Variants in CTNNA3 observed in about 807,000 individuals in gnomAD.
CTNNA3 encodes catenin alpha-3.
In CTNNA3, 76 loss-of-function variants were observed where a neutral mutation model predicts 95.7. The ratio of observed to expected loss-of-function variants is 0.79; its 90% CI spans 0.66 to 0.96. The LOEUF is 0.96. Among genes scored for constraint, CTNNA3 ranks in the 40% least tolerant of loss-of-function variants. The pLI is 0.00. For missense variants in CTNNA3, 1,191 were observed against 1,089.8 expected, an observed-to-expected ratio of 1.09 and a Z score of -1.31; for synonymous variants, 431 against 374.4, an observed-to-expected ratio of 1.15 and a Z score of -1.74.
At chr10:66,589,666 A>G (rs1024041941) in intron 10 of CTNNA3, among the ~76,000 whole-genome samples, 17 of 152,170 alleles carry the variant, frequency 1.1e-4, no homozygotes, top group African/African-American at 4.1e-4. Context: ...AAGAAATGGC[A>G]TACAAGTTGA....
intron 7 of CTNNA3, among the ~76,000 whole-genome samples, chr10:66,849,004 T>C (rs568923216): frequency 6.6e-6 from 1 of 152,304 alleles, no homozygotes; most frequent in East Asian, 1.9e-4. Context: ...TAGAAGGAAA[T>C]AATGAAGCCA....
chr10:66,917,520 A>T (rs976930324), intron 7 of CTNNA3, among the ~76,000 whole-genome samples: 12 of 152,330 alleles, frequency 7.9e-5, no homozygotes, highest in African/African-American at 2.6e-4. Context: ...CAGAAGTTTA[A>T]TATCTTTCAG....
intron 7 of CTNNA3, among the ~76,000 whole-genome samples, chr10:67,054,317 T>C (rs768456266): frequency 1.3e-5 from 2 of 152,068 alleles, no homozygotes; most frequent in South Asian, 2.1e-4. Flanking sequence ...AGTACTGAAA[T>C]GTAACAAAAG....
At position 65,979,805 on chromosome 10, in the gene CTNNA3, T is replaced by G. The variant is rs1315988707; in HGVS notation, c.2265+8887A>C. Among the ~76,000 whole-genome samples, 6 of 152,058 alleles carry G rather than the reference T, an allele frequency of 3.9e-5. No homozygotes were observed. In the East Asian group the frequency reaches 7.7e-4, roughly 20 times the overall value. ...TCTCTTAGAACAGGAGATTCACTATTACTTGAAAGACGCAAATAGATCAAA... is the reference window on the plus strand; with the variant it reads ...TCTCTTAGAACAGGAGATTCACTATGACTTGAAAGACGCAAATAGATCAAA... On this transcript the variant is annotated intron_variant, in intron 16 of 17. Transcript: ENST00000433211.
chr10:67,661,749 G>A (rs1435629056), intron 1 of CTNNA3, among the ~76,000 whole-genome samples: 2 of 151,966 alleles, frequency 1.3e-5, no homozygotes, highest in Non-Finnish European at 2.9e-5. Flanking sequence ...TCTTACCAAA[G>A]AAAATATATA....
chr10:67,143,731 CA>C (rs1190054948), intron 7 of CTNNA3, among the ~76,000 whole-genome samples: 1 of 152,122 alleles, frequency 6.6e-6, no homozygotes, highest in Non-Finnish European at 1.5e-5. Context: ...ATTTCTAACT[CA>C]GTTATCTTGC....
At chr10:67,133,328 T>TATATATATAC (rs145659453) in intron 7 of CTNNA3, among the ~76,000 whole-genome samples, 2 of 105,322 alleles carry the variant, frequency 1.9e-5, no homozygotes, top group African/African-American at 7.1e-5. Context: ...TATATATTTA[T>TATATATATAC]ACACACACAC....
chr10:66,774,263 T>C (rs1490567961), intron 8 of CTNNA3, among the ~76,000 whole-genome samples: 1 of 152,078 alleles, frequency 6.6e-6, no homozygotes, highest in Non-Finnish European at 1.5e-5. Context: ...CTGAAGACGA[T>C]GGAGAATAGG....
At chr10:66,454,320 C>T (rs185273673) in intron 11 of CTNNA3, among the ~76,000 whole-genome samples, 1 of 151,888 alleles carries the variant, frequency 6.6e-6, no homozygotes, top group East Asian at 1.9e-4. Flanking sequence ...CTTTTAAATG[C>T]CACTAAAATT....
intron 7 of CTNNA3, among the ~76,000 whole-genome samples, chr10:66,835,136 G>A (rs902479808): frequency 4.6e-5 from 7 of 152,144 alleles, no homozygotes; most frequent in African/African-American, 1.7e-4. Flanking sequence ...GACAGTAAAT[G>A]GAGGGCTCAG....
At chr10:67,662,104 C>A (rs1325911577) in intron 1 of CTNNA3, among the ~76,000 whole-genome samples, 1 of 152,154 alleles carries the variant, frequency 6.6e-6, no homozygotes, top group Non-Finnish European at 1.5e-5. Flanking sequence ...GGTGGCCTTA[C>A]TCATAAGACA....
In CTNNA3 at chr10:66,118,384, A is replaced by T. The variant is rs1397008516; in HGVS notation, c.1885-15135T>A. On this transcript the variant is annotated intron_variant, in intron 13 of 17. Transcript: ENST00000433211. Reference sequence around the variant, plus strand: ...CTCAAGCTATCTCTTGATGAACAAGATTAGTACCATCTGATTACAACCCTG... The same window carrying T: ...CTCAAGCTATCTCTTGATGAACAAGTTTAGTACCATCTGATTACAACCCTG... 8 of 152,224 alleles carry T rather than the reference A, an allele frequency of 5.3e-5. 1 individual carries two copies. The highest frequency in any genetic ancestry group is 5.2e-4 in the Admixed American group (8 of 15,280). The allele number at this position is 152,224 out of a possible 1,614,324, so 9.4% of individuals were successfully genotyped here.
chr10:67,112,648 C>T (rs573217170), intron 7 of CTNNA3, among the ~76,000 whole-genome samples: 1 of 150,600 alleles, frequency 6.6e-6, no homozygotes, highest in Non-Finnish European at 1.5e-5. Flanking sequence ...AATTTCAGAG[C>T]AGAGAGGAAC....
intron 7 of CTNNA3, among the ~76,000 whole-genome samples, chr10:66,899,255 T>A (rs1316020577): frequency 6.6e-6 from 1 of 152,192 alleles, no homozygotes; most frequent in African/African-American, 2.4e-5. Context: ...TTGTCCACTG[T>A]TAATGAGAAT....
chr10:67,116,876 G>C (rs943457136), intron 7 of CTNNA3, among the ~76,000 whole-genome samples: 5 of 151,450 alleles, frequency 3.3e-5, no homozygotes, highest in Non-Finnish European at 5.9e-5. Context: ...CATATATATT[G>C]TTGAGTCTAC....
chr10:66,407,853 A>T (rs1211184076), intron 11 of CTNNA3, among the ~76,000 whole-genome samples: 1 of 152,208 alleles, frequency 6.6e-6, no homozygotes, highest in Non-Finnish European at 1.5e-5. Flanking sequence ...TGCTGGGATT[A>T]CAGGCGTGAG....
chr10:66,155,022 T>C (rs891730630), intron 13 of CTNNA3, among the ~76,000 whole-genome samples: 2 of 151,652 alleles, frequency 1.3e-5, no homozygotes, highest in African/African-American at 4.8e-5. Context: ...TAGCACAAAA[T>C]TAGCCATTAA....
chr10:66,369,043 G>A (rs937177253), intron 12 of CTNNA3, among the ~76,000 whole-genome samples: 3 of 151,970 alleles, frequency 2.0e-5, no homozygotes, highest in African/African-American at 7.2e-5. Context: ...ACAGATTTTG[G>A]CAGACAGTAA....
chr10:66,158,419 C>A (rs1052366092), intron 13 of CTNNA3, among the ~76,000 whole-genome samples: 2 of 151,970 alleles, frequency 1.3e-5, no homozygotes, highest in Non-Finnish European at 2.9e-5. Context: ...GTCCTTTCCC[C>A]ACTTTATGTT....
Sources: allele counts gnomAD v4.1 joint callset (sites outside exome capture counted in the v4.1 genomes callset), GRCh38; gene constraint gnomAD v4.1.1; transcripts MANE v1.5; gene names NCBI Gene and HGNC (gene_info 2026-07-23, HGNC 2026-07-21).